ALK: variants seen among roughly 807,000 people sequenced by gnomAD.
ALK encodes the protein ALK tyrosine kinase receptor.
In ALK, 74 loss-of-function variants were observed where a neutral mutation model predicts 163.1. That is an observed-to-expected ratio of 0.45 (90% CI 0.38 to 0.55). The LOEUF (loss-of-function observed/expected upper bound fraction) is 0.55. Among genes scored for constraint, ALK ranks in the 20% least tolerant of loss-of-function variants. ALK has a pLI of 0.00. For missense variants in ALK, 2,063 were observed against 2,105.3 expected (o/e 0.98, Z 0.39); for synonymous variants, 960 against 843.2 (o/e 1.14, Z -2.40).
intron 3 of ALK, among the ~76,000 whole-genome samples, chr2:29,576,660 G>A (rs1488633582): frequency 2.6e-5 from 4 of 152,174 alleles, no homozygotes; most frequent in Non-Finnish European, 5.9e-5. Flanking sequence ...TGAGTGGTGG[G>A]TGAGTGAGCG....
At chr2:29,442,912 A>G (rs1272839258) in intron 4 of ALK, among the ~76,000 whole-genome samples, 1 of 152,172 alleles carries the variant, frequency 6.6e-6, no homozygotes, top group Non-Finnish European at 1.5e-5. Context: ...CTAACTTGAA[A>G]CCTGAAAGGG....
chr2:29,303,737 G>A (rs576966623), intron 8 of ALK, among the ~76,000 whole-genome samples: 197 of 152,292 alleles, frequency 1.3e-3, no homozygotes, highest in African/African-American at 4.5e-3. Flanking sequence ...TTGCAGCAAC[G>A]TGGATGCAGC....
At position 29,193,902 on chromosome 2, in the gene ALK, G is replaced by A. The variant is rs571470900; in HGVS notation, c.4185C>T (p.Thr1395=). ...YCTQDPDVIN[T]ALPIEYGPLV... ...GTGGACCATATTCTATCGGCAAAGC[G>A]GTGTTGATTACATCCGGGTCCTGCC... Residue 1395 remains threonine (T), a synonymous_variant, in exon 29 of 29, where the codon ACC becomes ACT. Transcript: ENST00000389048. The A allele has an allele frequency of 5.2e-5, 84 of 1,614,150 alleles. No homozygotes were observed. The Admixed American group carries it at 8.0e-4, about 15-fold the overall frequency.
chr2:29,512,760 G>A lies in ALK; in HGVS notation c.1154+19155C>T, dbSNP rs1165267136. Among the ~76,000 whole-genome samples the A allele has an allele frequency of 2.0e-5, 3 of 149,222 alleles. No individual in the cohort carries two copies. The East Asian group carries it at 5.9e-4, about 29-fold the overall frequency. ...ATATCTAGAAAACCCCACTGTCTCA[G>A]CCCAAAATCTCCTTAAGCTGATAAG... is the stretch of plus-strand genomic sequence containing the variant. On this transcript the variant is annotated intron_variant, in intron 4 of 28. Transcript: ENST00000389048.
At chr2:29,400,784 G>T (rs548304836) in intron 4 of ALK, among the ~76,000 whole-genome samples, 7 of 152,260 alleles carry the variant, frequency 4.6e-5, no homozygotes, top group Middle Eastern at 3.4e-3. Context: ...AGACCAGCCT[G>T]ACCAACATGG....
intron 3 of ALK, among the ~76,000 whole-genome samples, chr2:29,680,280 T>A (rs1460699791): frequency 2.6e-5 from 4 of 152,100 alleles, no homozygotes; most frequent in Non-Finnish European, 4.4e-5. Context: ...GCCCCCCTTT[T>A]CTTTTCTCTC....
intron 1 of ALK, among the ~76,000 whole-genome samples, chr2:29,799,080 G>T (rs1164803449): frequency 1.3e-5 from 2 of 152,192 alleles, no homozygotes; most frequent in Non-Finnish European, 2.9e-5. Context: ...GAGGGGATTT[G>T]AAATTGTCTG....
rs377534023 is a variant in ALK at position 29,727,879 on chromosome 2, T to C, written c.668-10182A>G. On this transcript the variant is annotated intron_variant, in intron 1 of 28. Transcript: ENST00000389048. ...AGAGTGGGGGAGCTGGGAGGGGCCA[T>C]GAAGACTATTTATCTGTGTCTTCCT... Among the ~76,000 whole-genome samples, 4 of 152,138 alleles carry C rather than the reference T, an allele frequency of 2.6e-5. No individual in the cohort carries two copies. The East Asian group carries it at 7.7e-4, about 29-fold the overall frequency.
At chr2:29,853,282 T>G (rs1404394352) in intron 1 of ALK, among the ~76,000 whole-genome samples, 1 of 152,192 alleles carries the variant, frequency 6.6e-6, no homozygotes, top group East Asian at 1.9e-4. Context: ...AAATGCAACA[T>G]GCCCAAAGCC....
rs1172239019 is a variant in ALK, at chr2:29,222,566, T to A, written c.3401A>T (p.Gln1134Leu). Residue 1134 changes from glutamine to leucine, a missense_variant, in exon 21 of 29, where the codon CAG becomes CTG. Transcript: ENST00000389048. ...TGGGTCGTTGGGCATTCCGGACACCTGGCCTTCATACACCTCCCCAAAGGC... is the reference window on the plus strand; with the variant it reads ...TGGGTCGTTGGGCATTCCGGACACCAGGCCTTCATACACCTCCCCAAAGGC... ...HGAFGEVYEG[Q>L]VSGMPNDPSP... The A allele has an allele frequency of 3.7e-6, 6 of 1,613,988 alleles. No homozygotes were observed. Among genetic ancestry groups the A allele is most frequent in the Non-Finnish European group, 5.1e-6 (6 of 1,180,026 alleles).
Position 29,378,603 on chromosome 2 carries a change from T to C in ALK, c.1282+5129A>G, listed in dbSNP as rs1313180492. 2.0e-5 allele frequency among the ~76,000 whole-genome samples: 3 copies of C among 152,298 alleles called. No homozygotes were observed. The East Asian group carries it at 5.8e-4, about 29-fold the overall frequency. ...TGTAAGGATTGAATGAGTTAATATA[T>C]GTACCATGCTTAGAACAGGGCCTAG... On this transcript the variant is annotated intron_variant, in intron 5 of 28. Transcript: ENST00000389048.
chr2:29,359,461 A>T (rs1039815610), intron 5 of ALK, among the ~76,000 whole-genome samples: 25 of 152,250 alleles, frequency 1.6e-4, no homozygotes, highest in Admixed American at 1.3e-3. Context: ...CCATTAGCTC[A>T]GAAATCCTGT....
intron 3 of ALK, among the ~76,000 whole-genome samples, chr2:29,554,030 A>G (rs1673780723): frequency 6.6e-6 from 1 of 152,158 alleles, no homozygotes; most frequent in South Asian, 2.1e-4. Flanking sequence ...TAATGTAAAC[A>G]ATTTGGACAA....
intron 5 of ALK, among the ~76,000 whole-genome samples, chr2:29,366,034 G>C (rs1175372329): frequency 6.6e-6 from 1 of 152,188 alleles, no homozygotes; most frequent in Non-Finnish European, 1.5e-5. Flanking sequence ...TTTGGGTTGG[G>C]GAGGGCAGAT....
At chr2:29,490,183 CAGAGCTGGAGCTAG>C (rs1671868192) in intron 4 of ALK, among the ~76,000 whole-genome samples, 1 of 152,214 alleles carries the variant, frequency 6.6e-6, no homozygotes, top group South Asian at 2.1e-4. Context: ...CGTGCCAAGT[CAGAGCTGGAGCTAG>C]AGATAGGGAA....
chr2:29,470,073 T>G (rs980422095), intron 4 of ALK, among the ~76,000 whole-genome samples: 1 of 151,922 alleles, frequency 6.6e-6, no homozygotes. Flanking sequence ...ATTCTAGAAG[T>G]GAAAAATACA....
chr2:29,756,306 C>G (rs958936306), intron 1 of ALK, among the ~76,000 whole-genome samples: 4 of 152,188 alleles, frequency 2.6e-5, no homozygotes, highest in African/African-American at 9.7e-5. Context: ...TTGTTAACAA[C>G]TCTTTTCAGA....
At chr2:29,916,682 A>T (rs1033942185) in intron 1 of ALK, among the ~76,000 whole-genome samples, 1 of 152,168 alleles carries the variant, frequency 6.6e-6, no homozygotes, top group Non-Finnish European at 1.5e-5. Context: ...TCATGTATCC[A>T]CTTTCCTGGG....
intron 4 of ALK, among the ~76,000 whole-genome samples, chr2:29,419,911 C>T (rs749480184): frequency 4.0e-5 from 6 of 151,294 alleles, no homozygotes; most frequent in African/African-American, 1.2e-4. Context: ...GCAAACCTAG[C>T]GCTTTGGGAG....
Sources: allele counts gnomAD v4.1 joint callset (sites outside exome capture counted in the v4.1 genomes callset), GRCh38; gene constraint gnomAD v4.1.1; transcripts MANE v1.5; gene names NCBI Gene and HGNC (gene_info 2026-07-23, HGNC 2026-07-21).